RFX2: variants seen among roughly 807,000 people sequenced by gnomAD.
RFX2 encodes DNA-binding protein RFX2.
A neutral mutation model predicts 87.8 loss-of-function variants in RFX2; 20 were observed. The ratio of observed to expected loss-of-function variants is 0.23; its 90% CI spans 0.16 to 0.33. RFX2 has a LOEUF of 0.33. RFX2 is among the 10% of genes least tolerant of loss of function. The pLI, the probability that RFX2 is intolerant of heterozygous loss-of-function variation, is 1.00. For missense variants in RFX2, 767 were observed against 1,012.3 expected (o/e 0.76, Z 3.29); for synonymous variants, 397 against 431.3 (o/e 0.92, Z 0.98).
At chr19:6,008,476 G>T (rs923468029) in intron 9 of RFX2, among the ~76,000 whole-genome samples, 9 of 151,116 alleles carry the variant, frequency 6.0e-5, no homozygotes, top group African/African-American at 2.2e-4. Context: ...GGGATCAAGC[G>T]ATTCTTCTGC....
chr19:5,999,857 A>G lies in RFX2; in HGVS notation c.1859+1958T>C, dbSNP rs1017791539. Among the ~76,000 whole-genome samples the G allele has an allele frequency of 6.6e-6, 1 of 151,658 alleles. No homozygotes were observed. Among genetic ancestry groups the G allele is most frequent in the African/African-American group, 2.4e-5 (1 of 41,272 alleles). On this transcript the variant is annotated intron_variant, in intron 15 of 17. Transcript: ENST00000303657. This position sits in a 1 kb window ranked among gnomAD's most constrained non-coding sequence, Gnocchi z 4.1. ...GTTTCTCTGTGTGGCTGTCTGGGGGAAAGATGTTCCAGGCAAGGGGGGCAG... is the reference window on the plus strand; with the variant it reads ...GTTTCTCTGTGTGGCTGTCTGGGGGGAAGATGTTCCAGGCAAGGGGGGCAG...
intron 4 of RFX2, among the ~76,000 whole-genome samples, chr19:6,041,398 G>A (rs1453696589): frequency 1.3e-5 from 2 of 152,152 alleles, no homozygotes; most frequent in Non-Finnish European, 2.9e-5. Context: ...AAAGTAAAGT[G>A]AGCTGCACGG....
intron 1 of RFX2, among the ~76,000 whole-genome samples, chr19:6,066,064 C>T (rs1218931272): frequency 6.6e-6 from 1 of 152,100 alleles, no homozygotes; most frequent in Admixed American, 6.6e-5. Context: ...GTGGTGTTTA[C>T]CTAAGCAACA....
intron 1 of RFX2, among the ~76,000 whole-genome samples, chr19:6,095,529 TGGGGCAGG>T (rs1382980163): frequency 1.3e-5 from 2 of 151,756 alleles, no homozygotes; most frequent in Non-Finnish European, 2.9e-5. Context: ...CCATAAACAA[TGGGGCAGG>T]GGAGTCTGGG....
chr19:6,040,957 T>G lies in RFX2; in HGVS notation c.261-716A>C, dbSNP rs1386028707. 6.6e-6 allele frequency among the ~76,000 whole-genome samples: 1 copy of G among 152,130 alleles called. No homozygotes were observed. The highest frequency in any genetic ancestry group is 2.4e-5 in the African/African-American group (1 of 41,420). On this transcript the variant is annotated intron_variant, in intron 4 of 17. Coordinates refer to ENST00000303657, the MANE Select transcript of RFX2 (RefSeq NM_000635.4). The surrounding 1 kb of genome is among the most constrained non-coding windows in gnomAD (Gnocchi z 6.1). ...ACACACATGAACATGCAAAGCCACA[T>G]GTACTCCACATGCAAGCACACACGC... is the stretch of plus-strand genomic sequence containing the variant.
chr19:6,107,318 A>C (rs1232946116), intron 1 of RFX2, among the ~76,000 whole-genome samples: 4 of 150,732 alleles, frequency 2.7e-5, no homozygotes, highest in African/African-American at 9.8e-5. Context: ...AAACAAACAA[A>C]AATCCACAGG....
chr19:6,079,465 T>C (rs1011646708), intron 1 of RFX2, among the ~76,000 whole-genome samples: 2 of 152,198 alleles, frequency 1.3e-5, no homozygotes, highest in Non-Finnish European at 2.9e-5. Context: ...TTATACGACA[T>C]TCTGGAAAAG....
At chr19:6,075,593 G>A (rs565358246) in intron 1 of RFX2, among the ~76,000 whole-genome samples, 1 of 152,306 alleles carries the variant, frequency 6.6e-6, no homozygotes, top group Admixed American at 6.5e-5. Context: ...CTGACTTAAG[G>A]CTTGGGGCTG....
In RFX2 at chr19:6,026,393, G is replaced by A. The variant is rs1184354688; in HGVS notation, c.523-156C>T. 1.1e-5 allele frequency: 7 copies of A among 661,752 alleles called. No homozygotes were observed. The highest frequency in any genetic ancestry group is 3.9e-4 in the Middle Eastern group (1 of 2,572). 41.0% of individuals were successfully genotyped at this position (661,752 alleles called of 1,614,324 possible). A position where few individuals can be genotyped will look rare whatever the true frequency, so the allele number is the denominator to read the frequency against. On this transcript the variant is annotated intron_variant, in intron 5 of 17. Transcript: ENST00000303657. The surrounding 1 kb of genome is among the most constrained non-coding windows in gnomAD (Gnocchi z 4.5). The stretch of plus-strand genomic sequence containing the variant: ...AAATGAGGCTCCACGCAGGCAGGGC[G>A]GGGGTGAGTTAAATTGTGCATGAAA...
At chr19:6,036,417 A>G (rs992847398) in intron 5 of RFX2, among the ~76,000 whole-genome samples, 6 of 152,180 alleles carry the variant, frequency 3.9e-5, no homozygotes, top group African/African-American at 1.4e-4. Context: ...CACTCTGGAC[A>G]AAGGAAGAGA....
intron 1 of RFX2, among the ~76,000 whole-genome samples, chr19:6,100,373 C>G (rs1055653788): frequency 8.5e-5 from 13 of 152,048 alleles, no homozygotes; most frequent in African/African-American, 2.9e-4. Flanking sequence ...AGAGACATGA[C>G]AAGGCGGTTG....
chr19:6,089,986 G>C (rs547494482), intron 1 of RFX2, among the ~76,000 whole-genome samples: 1 of 152,056 alleles, frequency 6.6e-6, no homozygotes. Flanking sequence ...TTTGAGACAG[G>C]TTCTCGCTTT....
At chr19:6,025,788 T>C (rs1238398823) in intron 6 of RFX2, among the ~76,000 whole-genome samples, 1 of 148,134 alleles carries the variant, frequency 6.8e-6, no homozygotes, top group East Asian at 1.9e-4. Context: ...CTTCTTCTTT[T>C]TTTTTTTTTT....
intron 1 of RFX2, among the ~76,000 whole-genome samples, chr19:6,104,721 TCA>T (rs1365974572): frequency 1.3e-5 from 2 of 152,184 alleles, no homozygotes; most frequent in Non-Finnish European, 2.9e-5. Context: ...TCTCAACTCT[TCA>T]TTTCTACATA....
At chr19:6,052,658 A>G (rs1363489331) in intron 1 of RFX2, among the ~76,000 whole-genome samples, 2 of 152,244 alleles carry the variant, frequency 1.3e-5, no homozygotes, top group Non-Finnish European at 2.9e-5. Flanking sequence ...ATAAGCCTCA[A>G]TACATTTCAA....
chr19:6,044,285 A>C lies in RFX2; in HGVS notation c.91-3T>G. On this transcript the variant is annotated splice_region_variant and splice_polypyrimidine_tract_variant and intron_variant, in intron 2 of 17. Transcript: ENST00000303657. The surrounding 1 kb of genome is among the most constrained non-coding windows in gnomAD (Gnocchi z 5.3). ...CTGGCTGCCTGGACCAACACCCTCT[A>C]AAAGGGAAGGGAGAGAAGGCCAGTT... The C allele has an allele frequency of 6.5e-7, 1 of 1,535,034 alleles. No individual in the cohort carries two copies. Among genetic ancestry groups the C allele is most frequent in the Non-Finnish European group, 8.8e-7 (1 of 1,139,638 alleles).
chr19:6,044,725 G>A lies in RFX2; in HGVS notation c.91-443C>T, dbSNP rs74514038. The stretch of plus-strand genomic sequence containing the variant: ...TCTGGATAGCCATCCGCACCACTGC[G>A]TGGGAGAGCACTCTGTGGCGCCCCT... On this transcript the variant is annotated intron_variant, in intron 2 of 17. Transcript: ENST00000303657. This position sits in a 1 kb window ranked among gnomAD's most constrained non-coding sequence, Gnocchi z 5.3. Among the ~76,000 whole-genome samples, 16 of 152,366 alleles carry A rather than the reference G, an allele frequency of 1.1e-4. No homozygotes were observed. In the South Asian group the frequency reaches 1.2e-3, roughly 12 times the overall value.
intron 1 of RFX2, among the ~76,000 whole-genome samples, chr19:6,065,542 G>A (rs1411590011): frequency 6.6e-6 from 1 of 152,166 alleles, no homozygotes; most frequent in African/African-American, 2.4e-5. Context: ...AGCTACTCGG[G>A]AGGCTGAGGC....
rs1377702031 is a variant in RFX2, at chr19:6,016,472, C to A, written c.598-201G>T. 6.6e-6 allele frequency among the ~76,000 whole-genome samples: 1 copy of A among 152,284 alleles called. No individual in the cohort carries two copies. On this transcript the variant is annotated intron_variant, in intron 6 of 17. Coordinates refer to ENST00000303657, the MANE Select transcript of RFX2 (RefSeq NM_000635.4). The surrounding 1 kb of genome is among the most constrained non-coding windows in gnomAD (Gnocchi z 5.4). ...GTGGCGCAATCTCGGCTCACTGCAGCCTCTGTCTCCTGGGTTCAAGCAATT... is the reference window on the plus strand; with the variant it reads ...GTGGCGCAATCTCGGCTCACTGCAGACTCTGTCTCCTGGGTTCAAGCAATT...
Sources: gnomAD v4.1 joint callset for allele counts (sites outside exome capture counted in the v4.1 genomes callset) on GRCh38, gnomAD v4.1.1 for gene constraint, Gnocchi (gnomAD v3.1) non-coding constraint, MANE v1.5 for transcripts, NCBI Gene and HGNC (gene_info 2026-07-23, HGNC 2026-07-21) for gene names.